The following DOCK1 variants were observed in gnomAD, a reference collection of about 807,000 sequenced individuals.
DOCK1 encodes the protein dedicator of cytokinesis protein 1.
In DOCK1, 138 loss-of-function variants were observed where a neutral mutation model predicts 262.7. The observed-to-expected ratio is 0.53, with a 90% confidence interval of 0.46 to 0.61. DOCK1 has a LOEUF of 0.61. DOCK1 is among the 20% of genes least tolerant of loss of function. The probability of loss-of-function intolerance (pLI) is 0.00; values close to 1 mark genes in which losing one functional copy is unlikely to be tolerated. For synonymous variants in DOCK1, 866 were observed against 867.4 expected (o/e 1.00, Z 0.03); for missense variants, 1,908 against 2,370.7 (o/e 0.80, Z 4.05).
At chr10:127,409,254 G>A (rs2067704525) in intron 41 of DOCK1, 59 bp from the exon 42 acceptor site, 2 of 1,611,810 alleles carry the variant, frequency 1.2e-6, no homozygotes, top group Admixed American at 1.7e-5. Context: ...TGTGGTGGGG[G>A]GCCTCTCTCA....
At chr10:127,250,664 C>T (rs942654281) in intron 28 of DOCK1, among the ~76,000 whole-genome samples, 9 of 151,532 alleles carry the variant, frequency 5.9e-5, no homozygotes, top group Non-Finnish European at 1.5e-5. Flanking sequence ...GGTTGGGGGG[C>T]ACCTGTAATC....
At chr10:126,915,005 C>A (rs2032294692) in intron 1 of DOCK1, among the ~76,000 whole-genome samples, 1 of 152,112 alleles carries the variant, frequency 6.6e-6, no homozygotes, top group Non-Finnish European at 1.5e-5. Flanking sequence ...GGTGCCCATC[C>A]CTTCTGCTCA....
chr10:127,233,426 T>G (rs773809481), intron 27 of DOCK1, among the ~76,000 whole-genome samples: 1 of 152,214 alleles, frequency 6.6e-6, no homozygotes, highest in Admixed American at 6.5e-5. Context: ...TGATATCCCC[T>G]TGATTATTTT....
chr10:127,340,315 C>G (rs1283635209), intron 30 of DOCK1, among the ~76,000 whole-genome samples: 2 of 152,206 alleles, frequency 1.3e-5, no homozygotes, highest in Non-Finnish European at 2.9e-5. Context: ...CTGCCTCTCA[C>G]TGCCCCTCTG....
chr10:127,302,979 GTAT>G (rs767087081), intron 29 of DOCK1, among the ~76,000 whole-genome samples: 10 of 152,072 alleles, frequency 6.6e-5, no homozygotes, highest in Non-Finnish European at 1.0e-4. Context: ...CTGAAATGTG[GTAT>G]TATTAAGTCT....
rs1033853450 is a variant in DOCK1, at chr10:127,090,685, C to T, written c.2446-15546C>T. Among the ~76,000 whole-genome samples the T allele has an allele frequency of 3.9e-5, 6 of 152,112 alleles. 1 individual carries two copies. The highest frequency in any genetic ancestry group is 4.1e-4 in the South Asian group (2 of 4,824). ...CCCCCTTCACACTGCCTGGCAACCACGAATTTGTTTTCTGTCTCTACGATT... is the reference window on the plus strand; with the variant it reads ...CCCCCTTCACACTGCCTGGCAACCATGAATTTGTTTTCTGTCTCTACGATT... On this transcript the variant is annotated intron_variant, in intron 23 of 51. Coordinates refer to ENST00000623213, the MANE Select transcript of DOCK1 (RefSeq NM_001290223.2).
Position 127,157,579 on chromosome 10 carries a change from TC to T in DOCK1, c.2847+29817del, listed in dbSNP as rs201545693. On this transcript the variant is annotated intron_variant, in intron 27 of 51. Transcript: ENST00000623213. ...TTACAACCCAGCCCAATTCACCAAT[TC>T]CTGAGAAATGGTTTGGCTGACGTTT... Among the ~76,000 whole-genome samples, 1,036 of 152,342 alleles carry T rather than the reference TC, an allele frequency of 6.8e-3. 7 individuals are homozygous for T. The highest frequency in any genetic ancestry group is 8.5e-3 in the Non-Finnish European group (581 of 68,028).
At chr10:127,229,405 A>G (rs2058757855) in intron 27 of DOCK1, among the ~76,000 whole-genome samples, 1 of 152,118 alleles carries the variant, frequency 6.6e-6, no homozygotes, top group Non-Finnish European at 1.5e-5. Context: ...CCCGCTCTCC[A>G]GTCCTTGGTA....
intron 31 of DOCK1, among the ~76,000 whole-genome samples, chr10:127,346,632 C>T (rs530385530): frequency 6.6e-6 from 1 of 152,152 alleles, no homozygotes; most frequent in East Asian, 1.9e-4. Flanking sequence ...AAACATTAAC[C>T]TCGAAGGGCC....
At chr10:127,194,650 G>C (rs994620144) in intron 27 of DOCK1, among the ~76,000 whole-genome samples, 1 of 152,152 alleles carries the variant, frequency 6.6e-6, no homozygotes, top group Non-Finnish European at 1.5e-5. Flanking sequence ...CCCAGCCAGC[G>C]CAGTCACTCT....
At chr10:127,164,505 C>CCTCT (rs2053905173) in intron 27 of DOCK1, among the ~76,000 whole-genome samples, 1 of 152,078 alleles carries the variant, frequency 6.6e-6, no homozygotes. Flanking sequence ...TTTTGTTGCT[C>CCTCT]CTCTCTGTAG....
intron 27 of DOCK1, among the ~76,000 whole-genome samples, chr10:127,130,018 G>A (rs1415179309): frequency 6.6e-6 from 1 of 150,760 alleles, no homozygotes; most frequent in Admixed American, 6.6e-5. Context: ...TAGGGGGTGT[G>A]GTCCTGTCTC....
At position 127,420,645 on chromosome 10, in the gene DOCK1, G is replaced by A. The variant is rs184304625; in HGVS notation, c.4776+896G>A. ...CTCCCAGTCAAGGCCCAGAGATGCT[G>A]TGCAGTTGATCTGCACCCAGTCCAG... On this transcript the variant is annotated intron_variant, in intron 46 of 51. Coordinates refer to ENST00000623213, the MANE Select transcript of DOCK1 (RefSeq NM_001290223.2). Among the ~76,000 whole-genome samples the A allele has an allele frequency of 2.1e-4, 32 of 152,220 alleles. 1 individual carries two copies. Among genetic ancestry groups the A allele is most frequent in the African/African-American group, 7.5e-4 (31 of 41,548 alleles).
chr10:126,963,289 G>C (rs1319082387), intron 1 of DOCK1, among the ~76,000 whole-genome samples: 1 of 152,098 alleles, frequency 6.6e-6, no homozygotes, highest in Non-Finnish European at 1.5e-5. Context: ...TTTCGGATCA[G>C]CATTGACATC....
At chr10:127,147,500 C>T (rs1177909256) in intron 27 of DOCK1, among the ~76,000 whole-genome samples, 1 of 152,094 alleles carries the variant, frequency 6.6e-6, no homozygotes, top group Non-Finnish European at 1.5e-5. Flanking sequence ...TGGCTCTCAC[C>T]TTCCATACAG....
intron 1 of DOCK1, among the ~76,000 whole-genome samples, chr10:126,957,189 A>G (rs1314698230): frequency 2.0e-5 from 3 of 152,204 alleles, no homozygotes; most frequent in Non-Finnish European, 2.9e-5. Context: ...TAATGTAACA[A>G]CGACAGAGGA....
chr10:126,911,752 T>C (rs1467051583), intron 1 of DOCK1, among the ~76,000 whole-genome samples: 1 of 152,206 alleles, frequency 6.6e-6, no homozygotes, highest in Admixed American at 6.5e-5. Flanking sequence ...GAGGTTGGGC[T>C]GATGGGAGTT....
intron 27 of DOCK1, among the ~76,000 whole-genome samples, chr10:127,174,402 G>A (rs762771012): frequency 1.3e-5 from 2 of 152,216 alleles, no homozygotes; most frequent in Non-Finnish European, 2.9e-5. Context: ...ATGCCGGCCT[G>A]TAGGAGGCTT....
intron 29 of DOCK1, among the ~76,000 whole-genome samples, chr10:127,277,401 T>C (rs141649577): frequency 6.6e-6 from 1 of 152,300 alleles, no homozygotes. Context: ...TTTATTTGAC[T>C]TAAGATAGGT....
Sources: gnomAD v4.1 joint callset for allele counts (sites outside exome capture counted in the v4.1 genomes callset) on GRCh38, gnomAD v4.1.1 for gene constraint, MANE v1.5 for transcripts, NCBI Gene and HGNC (gene_info 2026-07-23, HGNC 2026-07-21) for gene names.